Variants in MTSS1 observed in about 807,000 individuals in gnomAD.
The protein encoded by MTSS1 is MTSS I-BAR domain containing 1, also known as protein MTSS 1.
A neutral mutation model predicts 79.0 loss-of-function variants in MTSS1; 18 were observed. The observed-to-expected ratio is 0.23, with a 90% CI of 0.16 to 0.34. MTSS1 has a LOEUF of 0.34. Among genes scored for constraint, MTSS1 ranks in the 10% least tolerant of loss-of-function variants. The pLI is 1.00. For missense variants in MTSS1, 815 were observed against 986.2 expected, an observed-to-expected ratio of 0.83 and a Z score of 2.33; for synonymous variants, 341 against 368.6, an observed-to-expected ratio of 0.93 and a Z score of 0.86.
intron 3 of MTSS1, among the ~76,000 whole-genome samples, chr8:124,592,438 G>A (rs946499383): frequency 2.0e-5 from 3 of 152,104 alleles, no homozygotes; most frequent in Non-Finnish European, 4.4e-5. Context: ...GACCTTCAGG[G>A]GAAAGCCACA....
At chr8:124,580,380 A>G in intron 6 of MTSS1, 2 of 641,940 alleles carry the variant, frequency 3.1e-6, no homozygotes, top group South Asian at 4.1e-5. Flanking sequence ...CAATTAAAAC[A>G]CAACGCACAC....
chr8:124,629,505 C>CAAAAAAAAAAAAA (rs982816199), intron 3 of MTSS1, among the ~76,000 whole-genome samples: 6 of 62,160 alleles, frequency 9.7e-5, no homozygotes, highest in African/African-American at 2.1e-4. Flanking sequence ...GACTCCGTCT[C>CAAAAAAAAAAAAA]AAAAAAAAAA....
chr8:124,667,969 C>T (rs1475538422), intron 3 of MTSS1, among the ~76,000 whole-genome samples: 1 of 151,930 alleles, frequency 6.6e-6, no homozygotes, highest in Non-Finnish European at 1.5e-5. Flanking sequence ...GCTACTAGGG[C>T]AGGGGTCTGG....
rs1019197499 is a variant in MTSS1 at position 124,614,230 on chromosome 8, C to T, written c.209-22995G>A. Among the ~76,000 whole-genome samples the T allele has an allele frequency of 4.0e-5, 6 of 151,890 alleles. 1 individual carries two copies. The highest frequency in any genetic ancestry group is 6.6e-5 in the Admixed American group (1 of 15,246). ...GTGGTAGCAAAGACATGGGTCCCGC[C>T]CCACACAGCTAGGGGAAAGAACAGG... On this transcript the variant is annotated intron_variant, in intron 3 of 13. Transcript: ENST00000518547.
At chr8:124,567,686 A>T in intron 7 of MTSS1, 1 of 1,464,482 alleles carries the variant, frequency 6.8e-7, no homozygotes, top group Non-Finnish European at 9.0e-7. Context: ...GCTGGGGACC[A>T]TGGAAGAAAC....
At chr8:124,571,498 G>A (rs1039836284) in intron 6 of MTSS1, among the ~76,000 whole-genome samples, 44 of 152,244 alleles carry the variant, frequency 2.9e-4, no homozygotes, top group African/African-American at 1.0e-3. Context: ...CTAGTCTCTC[G>A]ATCTATTCTA....
intron 3 of MTSS1, among the ~76,000 whole-genome samples, chr8:124,613,864 C>T (rs1462740050): frequency 1.3e-5 from 2 of 152,122 alleles, no homozygotes; most frequent in African/African-American, 2.4e-5. Context: ...TCAGCCACAG[C>T]AAGGTTTAAA....
Position 124,626,953 on chromosome 8 carries a change from C to T in MTSS1, c.209-35718G>A, listed in dbSNP as rs145295624. ...GCAGCTGGTGAGTCAGCAGCCCGCA[C>T]CCAGCCCCTGCCCAGCCTGCACACA... On this transcript the variant is annotated intron_variant, in intron 3 of 13. Transcript: ENST00000518547. Among the ~76,000 whole-genome samples, 609 of 152,270 alleles carry T rather than the reference C, an allele frequency of 4.0e-3. 6 individuals are homozygous for T. Among genetic ancestry groups the T allele is most frequent in the African/African-American group, 0.014 (587 of 41,548 alleles).
chr8:124,611,277 G>C (rs990932249), intron 3 of MTSS1, among the ~76,000 whole-genome samples: 2 of 152,178 alleles, frequency 1.3e-5, no homozygotes, highest in Non-Finnish European at 2.9e-5. Context: ...AAAGAGCCAG[G>C]GGTGAGCTGG....
intron 1 of MTSS1, among the ~76,000 whole-genome samples, chr8:124,712,575 G>C (rs1831329103): frequency 6.6e-6 from 1 of 152,156 alleles, no homozygotes; most frequent in African/African-American, 2.4e-5. Context: ...CAAGATGAAG[G>C]GCTCCTAAGA....
chr8:124,628,416 C>G (rs1815179459), intron 3 of MTSS1, among the ~76,000 whole-genome samples: 1 of 152,124 alleles, frequency 6.6e-6, no homozygotes, highest in African/African-American at 2.4e-5. Flanking sequence ...TATGAACCGG[C>G]AGCAGGATGC....
intron 3 of MTSS1, among the ~76,000 whole-genome samples, chr8:124,682,500 A>C (rs1256863230): frequency 6.6e-6 from 1 of 152,186 alleles, no homozygotes; most frequent in African/African-American, 2.4e-5. Context: ...CCATTCCAGG[A>C]GAGTAAGCCT....
intron 3 of MTSS1, among the ~76,000 whole-genome samples, chr8:124,593,545 A>AC (rs1832228014): frequency 6.6e-6 from 1 of 152,250 alleles, no homozygotes; most frequent in African/African-American, 2.4e-5. Context: ...ACCATAGAGC[A>AC]CCACCATGCG....
At chr8:124,559,032 T>G (rs1824677598) in intron 10 of MTSS1, among the ~76,000 whole-genome samples, 1 of 152,126 alleles carries the variant, frequency 6.6e-6, no homozygotes, top group South Asian at 2.1e-4. Context: ...GTTGCATCCA[T>G]GCAGAGGCTT....
intron 1 of MTSS1, among the ~76,000 whole-genome samples, chr8:124,726,468 A>G (rs1833711587): frequency 6.6e-6 from 1 of 152,242 alleles, no homozygotes; most frequent in African/African-American, 2.4e-5. Flanking sequence ...CTGGGCAAGC[A>G]GAGTCTGGCT....
At chr8:124,718,170 A>G (rs1832376682) in intron 1 of MTSS1, among the ~76,000 whole-genome samples, 1 of 151,556 alleles carries the variant, frequency 6.6e-6, no homozygotes, top group East Asian at 1.9e-4. Context: ...ACTTAACTGA[A>G]GTTTCTAGTT....
At position 124,588,057 on chromosome 8, in the gene MTSS1, C is replaced by T. The variant is rs6990410; in HGVS notation, c.385+1563G>A. On this transcript the variant is annotated intron_variant, in intron 5 of 13. Coordinates refer to ENST00000518547, the MANE Select transcript of MTSS1 (RefSeq NM_014751.6). ...TATTTCTGTGGCTCCAGAGCATGCA[C>T]GGGCATGAAATACGGTAAGTACTCA... 3.2e-3 allele frequency among the ~76,000 whole-genome samples: 486 copies of T among 152,174 alleles called. 3 individuals carry two copies. Among genetic ancestry groups the T allele is most frequent in the African/African-American group, 0.011 (476 of 41,524 alleles).
chr8:124,552,954 G>A lies in MTSS1; in HGVS notation c.*38C>T, dbSNP rs1554626323. On this transcript the variant is annotated 3_prime_UTR_variant, in exon 14 of 14. Transcript: ENST00000518547. ...TCAAGACAAATTAGGTTTTATTAAT[G>A]AAACAGTTCATTCCCCACCGGCGCA... The A allele has an allele frequency of 1.9e-6, 3 of 1,579,664 alleles. No individual in the cohort carries two copies. The highest frequency in any genetic ancestry group is 2.6e-6 in the Non-Finnish European group (3 of 1,155,750).
intron 1 of MTSS1, among the ~76,000 whole-genome samples, chr8:124,717,918 G>A (rs4870919): frequency 0.69 from 104,927 of 152,006 alleles, 36,605 homozygotes; most frequent in Admixed American, 0.78. Context: ...AGCTTCTCAA[G>A]TATGTTTTGA....
Sources: allele counts gnomAD v4.1 joint callset (sites outside exome capture counted in the v4.1 genomes callset), GRCh38; gene constraint gnomAD v4.1.1; transcripts MANE v1.5; gene names NCBI Gene and HGNC (gene_info 2026-07-23, HGNC 2026-07-21).